CHCHD6: variants seen among roughly 807,000 people sequenced by gnomAD.
The protein encoded by CHCHD6 is MICOS complex subunit MIC25.
A neutral mutation model predicts 32.3 loss-of-function variants in CHCHD6; 28 were observed. That is an observed-to-expected ratio of 0.87 (90% confidence interval 0.64 to 1.19). The LOEUF (loss-of-function observed/expected upper bound fraction) is 1.19, where lower values mean the gene tolerates loss of function less well. Among genes scored for constraint, CHCHD6 ranks in the 50% most tolerant of loss-of-function variants. CHCHD6 has a pLI of 0.00. For missense variants in CHCHD6, 333 were observed against 307.0 expected (o/e 1.08, Z -0.63); for synonymous variants, 122 against 117.5 (o/e 1.04, Z -0.25).
chr3:126,861,430 T>A lies in CHCHD6; in HGVS notation c.495+8700T>A, dbSNP rs929529877. Among the ~76,000 whole-genome samples, 5 of 152,062 alleles carry A rather than the reference T, an allele frequency of 3.3e-5. No homozygotes were observed. The East Asian group carries it at 9.7e-4, about 29-fold the overall frequency. On this transcript the variant is annotated intron_variant, in intron 5 of 7. Transcript: ENST00000290913. The stretch of plus-strand genomic sequence containing the variant: ...CGGATCATTATGAGAAGAAATGAGA[T>A]GGCTCACAGTGTTTATCCAGGAGGA...
intron 5 of CHCHD6, among the ~76,000 whole-genome samples, chr3:126,883,915 CTG>C (rs1057039472): frequency 6.6e-5 from 10 of 152,160 alleles, no homozygotes; most frequent in Non-Finnish European, 1.2e-4. Context: ...GTGACATTTC[CTG>C]TTTGCATTTG....
At chr3:126,957,733 G>T in intron 7 of CHCHD6, 182 bp downstream of exon 7, 1 of 745,188 alleles carries the variant, frequency 1.3e-6, no homozygotes, top group Admixed American at 2.2e-5. Context: ...CACTCTCCTG[G>T]CTGCTTCCAG....
chr3:126,736,191 G>A lies in CHCHD6; in HGVS notation c.411+2969G>A, dbSNP rs114618078. Among the ~76,000 whole-genome samples the A allele has an allele frequency of 7.0e-3, 1,064 of 152,332 alleles. 13 individuals carry two copies. The highest frequency in any genetic ancestry group is 0.025 in the African/African-American group (1,019 of 41,572). ...GAGAGAAGAACCTAACAAAAGCAGG[G>A]AAATTTTTCTTTCCTCTCCTGCATC... On this transcript the variant is annotated intron_variant, in intron 4 of 7. Coordinates refer to ENST00000290913, the MANE Select transcript of CHCHD6 (RefSeq NM_032343.3).
At chr3:126,877,819 C>A (rs73205624) in intron 5 of CHCHD6, among the ~76,000 whole-genome samples, 4 of 152,128 alleles carry the variant, frequency 2.6e-5, no homozygotes, top group Non-Finnish European at 5.9e-5. Context: ...TTACCATTGG[C>A]GGAAGGTACA....
At chr3:126,712,652 C>T (rs1001795913) in intron 1 of CHCHD6, among the ~76,000 whole-genome samples, 2 of 152,140 alleles carry the variant, frequency 1.3e-5, no homozygotes, top group East Asian at 1.9e-4. Flanking sequence ...CAGCATCAAC[C>T]ACCGTCTCTG....
At chr3:126,877,503 C>T (rs898630857) in intron 5 of CHCHD6, among the ~76,000 whole-genome samples, 1 of 150,812 alleles carries the variant, frequency 6.6e-6, no homozygotes, top group South Asian at 2.1e-4. Flanking sequence ...TGCAGTGAGC[C>T]GAGATTGTGC....
chr3:126,878,974 C>A (rs1034611659), intron 5 of CHCHD6, among the ~76,000 whole-genome samples: 2 of 152,192 alleles, frequency 1.3e-5, no homozygotes, highest in Non-Finnish European at 2.9e-5. Flanking sequence ...ATCACCTGCA[C>A]CTGTCCTCAT....
chr3:126,712,432 G>T (rs992869250), intron 1 of CHCHD6, among the ~76,000 whole-genome samples: 1 of 152,018 alleles, frequency 6.6e-6, no homozygotes, highest in Non-Finnish European at 1.5e-5. Context: ...AATGTTGAAG[G>T]TCTCTGTATG....
At chr3:126,903,866 C>A (rs1032626272) in intron 5 of CHCHD6, among the ~76,000 whole-genome samples, 1 of 152,204 alleles carries the variant, frequency 6.6e-6, no homozygotes, top group African/African-American at 2.4e-5. Context: ...ATTTGAAGCT[C>A]TCTACCTTCC....
intron 5 of CHCHD6, among the ~76,000 whole-genome samples, chr3:126,900,141 G>A (rs899783220): frequency 1.3e-4 from 20 of 152,302 alleles, no homozygotes; most frequent in East Asian, 1.9e-4. Flanking sequence ...GTGTAGCAAC[G>A]TGAATGGAAA....
intron 4 of CHCHD6, among the ~76,000 whole-genome samples, chr3:126,741,579 C>T (rs1054719655): frequency 1.3e-5 from 2 of 152,186 alleles, no homozygotes; most frequent in Non-Finnish European, 2.9e-5. Flanking sequence ...GTTCATCTCA[C>T]TGCCTGACTT....
chr3:126,738,362 G>T (rs1002493779), intron 4 of CHCHD6, among the ~76,000 whole-genome samples: 1 of 152,124 alleles, frequency 6.6e-6, no homozygotes, highest in Non-Finnish European at 1.5e-5. Context: ...CCAATACCCC[G>T]TGGCCGACTG....
intron 4 of CHCHD6, among the ~76,000 whole-genome samples, chr3:126,828,984 C>T (rs912158118): frequency 3.2e-4 from 49 of 152,150 alleles, no homozygotes; most frequent in African/African-American, 1.2e-3. Flanking sequence ...GATTTCCACT[C>T]CTATGTTTAT....
At chr3:126,903,056 A>G (rs1040030844) in intron 5 of CHCHD6, among the ~76,000 whole-genome samples, 6 of 152,192 alleles carry the variant, frequency 3.9e-5, no homozygotes, top group African/African-American at 7.2e-5. Flanking sequence ...GAGCAAGGCC[A>G]TCTCCTAGGG....
At position 126,948,391 on chromosome 3, in the gene CHCHD6, C is replaced by T. The variant is rs183012708; in HGVS notation, c.567-9025C>T. On this transcript the variant is annotated intron_variant, in intron 6 of 7. Coordinates refer to ENST00000290913, the MANE Select transcript of CHCHD6 (RefSeq NM_032343.3). ...TCCGGGACACACATACTGTTGGGCA[C>T]ACACATCGCTCTACTGTCAGCCTCG... 3.7e-3 allele frequency among the ~76,000 whole-genome samples: 560 copies of T among 152,308 alleles called. 13 individuals are homozygous for T. The highest frequency in any genetic ancestry group is 0.034 in the Admixed American group (522 of 15,298).
intron 5 of CHCHD6, among the ~76,000 whole-genome samples, chr3:126,879,722 G>A (rs889268795): frequency 1.3e-5 from 2 of 152,236 alleles, no homozygotes; most frequent in African/African-American, 4.8e-5. Flanking sequence ...GAAGAGCATT[G>A]TGCTGATGTG....
chr3:126,770,637 T>C (rs538094401), intron 4 of CHCHD6, among the ~76,000 whole-genome samples: 9 of 152,366 alleles, frequency 5.9e-5, no homozygotes, highest in African/African-American at 1.9e-4. Context: ...TTTATTGATA[T>C]GCGTATGTTG....
chr3:126,814,228 T>C (rs1246053448), intron 4 of CHCHD6, among the ~76,000 whole-genome samples: 1 of 152,200 alleles, frequency 6.6e-6, no homozygotes. Context: ...GCGGTAACTC[T>C]TTGTCATCAC....
intron 6 of CHCHD6, among the ~76,000 whole-genome samples, chr3:126,940,310 G>A (rs2078540739): frequency 6.6e-6 from 1 of 152,224 alleles, no homozygotes; most frequent in African/African-American, 2.4e-5. Flanking sequence ...TCAACACACA[G>A]TTCAGTGTGT....
Sources: allele counts gnomAD v4.1 joint callset (sites outside exome capture counted in the v4.1 genomes callset), GRCh38; gene constraint gnomAD v4.1.1; transcripts MANE v1.5; gene names NCBI Gene and HGNC (gene_info 2026-07-23, HGNC 2026-07-21).